TERF1: variants seen among roughly 807,000 people sequenced by gnomAD.
TERF1 encodes telomeric repeat binding factor 1, also known as telomeric repeat-binding factor 1.
In TERF1, 20 loss-of-function variants were observed where a neutral mutation model predicts 55.1. The ratio of observed to expected loss-of-function variants is 0.36; its 90% confidence interval spans 0.26 to 0.53. TERF1 has a LOEUF of 0.53. Ranked by LOEUF, TERF1 falls within the 20% of genes least tolerant of loss-of-function variation. The probability of loss-of-function intolerance (pLI) is 0.91; values close to 1 mark genes in which losing one functional copy is unlikely to be tolerated. For synonymous variants in TERF1, 168 were observed against 181.2 expected, an observed-to-expected ratio of 0.93 and a Z score of 0.59; for missense variants, 439 against 535.7, an observed-to-expected ratio of 0.82 and a Z score of 1.78.
intron 1 of TERF1, chr8:73,011,019 G>A (rs1043431052): frequency 6.6e-6 from 1 of 152,190 alleles, no homozygotes; most frequent in African/African-American, 2.4e-5. Context: ...CAGAGGCACT[G>A]TCATCTTGTT....
chr8:73,028,812 A>G (rs1292541250), intron 6 of TERF1, among the ~76,000 whole-genome samples: 4 of 152,188 alleles, frequency 2.6e-5, no homozygotes, highest in Admixed American at 6.5e-5. Flanking sequence ...TTCATAGCAT[A>G]CATCTCTATA....
At chr8:73,026,475 G>A (rs528892382) in intron 5 of TERF1, among the ~76,000 whole-genome samples, 1 of 152,302 alleles carries the variant, frequency 6.6e-6, no homozygotes, top group African/African-American at 2.4e-5. Flanking sequence ...ACTCCAGCCT[G>A]GGTGACAGAG....
intron 9 of TERF1, among the ~76,000 whole-genome samples, chr8:73,039,560 A>G (rs1196071441): frequency 6.6e-6 from 1 of 152,148 alleles, no homozygotes; most frequent in African/African-American, 2.4e-5. Flanking sequence ...CAGTGTAAAA[A>G]GAGTTTTCTT....
At chr8:73,028,433 T>G (rs1176929827) in intron 6 of TERF1, among the ~76,000 whole-genome samples, 1 of 152,180 alleles carries the variant, frequency 6.6e-6, no homozygotes, top group African/African-American at 2.4e-5. Flanking sequence ...AAATCCATCC[T>G]TGACATAACT....
intron 4 of TERF1, among the ~76,000 whole-genome samples, chr8:73,023,173 T>A (rs1392809286): frequency 1.3e-5 from 2 of 152,238 alleles, no homozygotes; most frequent in African/African-American, 4.8e-5. Context: ...AGAGTAGAAC[T>A]GATTAGTCAT....
At chr8:73,023,692 T>A (rs1808864447) in intron 4 of TERF1, among the ~76,000 whole-genome samples, 1 of 152,194 alleles carries the variant, frequency 6.6e-6, no homozygotes, top group African/African-American at 2.4e-5. Flanking sequence ...GATAAGTACT[T>A]GACCTCACTA....
chr8:73,017,287 C>G (rs909744166), intron 2 of TERF1, among the ~76,000 whole-genome samples: 5 of 152,102 alleles, frequency 3.3e-5, no homozygotes, highest in Admixed American at 6.6e-5. Context: ...ATTAGGCAGT[C>G]TACCTTTGCA....
In TERF1 at chr8:73,045,977, A is replaced by G; in HGVS notation, c.1160A>G (p.Glu387Gly). The change falls in exon 10 of 10, where the codon GAA (glutamate) becomes GGA (glycine). Residue 387 changes from glutamate to glycine, a missense_variant. Physicochemically the swap from Glu to Gly is moderately conservative, Grantham distance 98. Around this residue, in one of 4 missense-constraint regions of TERF1, gnomAD observed 140 missense variants for 158.6 expected, o/e 0.88. Transcript: ENST00000276603. The part of the protein sequence containing the change: ...ARKRQAWLWE[E>G]DKNLRSGVRK... ...TATCAAAAGGCATGGCTTTGGGAAGAAGACAAGAATTTGAGATCTGGCGTG... is the reference window on the plus strand; with the variant it reads ...TATCAAAAGGCATGGCTTTGGGAAGGAGACAAGAATTTGAGATCTGGCGTG... 1 of 1,578,876 alleles carries G rather than the reference A, an allele frequency of 6.3e-7. No individual in the cohort carries two copies. Among genetic ancestry groups the G allele is most frequent in the Non-Finnish European group, 8.6e-7 (1 of 1,166,248 alleles).
At chr8:73,013,074 G>T in intron 1 of TERF1, 2 of 335,392 alleles carry the variant, frequency 6.0e-6, no homozygotes, top group Non-Finnish European at 6.2e-6. Flanking sequence ...GAGGAAATTG[G>T]GTAAAAATAT....
chr8:73,036,075 A>T (rs1225435299), intron 8 of TERF1, among the ~76,000 whole-genome samples: 1 of 152,232 alleles, frequency 6.6e-6, no homozygotes, highest in Non-Finnish European at 1.5e-5. Context: ...AGTCCGGTGG[A>T]CTATGCAACA....
intron 1 of TERF1, 36 bp from the exon 2 acceptor site, chr8:73,013,859 T>G (rs758880809): frequency 2.1e-6 from 3 of 1,420,270 alleles, no homozygotes; most frequent in African/African-American, 2.8e-5. Flanking sequence ...TGGATCAAGT[T>G]TGATTTTAAT....
chr8:73,016,044 C>T (rs10101106), intron 2 of TERF1, among the ~76,000 whole-genome samples: 59,315 of 151,958 alleles, frequency 0.39, 12,246 homozygotes, highest in Non-Finnish European at 0.46. Context: ...CTTGAGCCCA[C>T]GAGTTTAAGG....
At chr8:73,030,189 T>C (rs1034695172) in intron 6 of TERF1, 147 bp from the exon 7 acceptor site, 1 of 468,278 alleles carries the variant, frequency 2.1e-6, no homozygotes, top group African/African-American at 2.0e-5. Flanking sequence ...CATGTTGTAA[T>C]GGACTGTATA....
intron 4 of TERF1, among the ~76,000 whole-genome samples, chr8:73,024,604 A>T (rs950121072): frequency 2.0e-5 from 3 of 152,172 alleles, no homozygotes; most frequent in African/African-American, 4.8e-5. Context: ...TATCTTTTTG[A>T]ATCTGTCTAA....
intron 8 of TERF1, among the ~76,000 whole-genome samples, chr8:73,032,379 A>G (rs895817589): frequency 6.6e-6 from 1 of 152,152 alleles, no homozygotes; most frequent in Non-Finnish European, 1.5e-5. Flanking sequence ...CAGCAACTTC[A>G]AGTATAGTCA....
chr8:73,009,710 A>G (rs1035757160), intron 1 of TERF1: 1 of 153,400 alleles, frequency 6.5e-6, no homozygotes, highest in African/African-American at 2.4e-5. Flanking sequence ...AGTCCCAGCT[A>G]CTTGGGAGCC....
At position 73,029,795 on chromosome 8, in the gene TERF1, A is replaced by G. The variant is rs562817667; in HGVS notation, c.888-541A>G. On this transcript the variant is annotated intron_variant, in intron 6 of 9. Coordinates refer to ENST00000276603, the MANE Select transcript of TERF1 (RefSeq NM_017489.3). ...TAAGATTTTTACAGATGGATAGAAG[A>G]GGAAATATCATTTTAGGAGAGAGGA... Among the ~76,000 whole-genome samples, 5 of 152,228 alleles carry G rather than the reference A, an allele frequency of 3.3e-5. No homozygotes were observed. The East Asian group carries it at 9.7e-4, about 29-fold the overall frequency.
At position 73,022,689 on chromosome 8, in the gene TERF1, A is replaced by G. The variant is rs56349533; in HGVS notation, c.624+387A>G. Among the ~76,000 whole-genome samples, 434 of 152,314 alleles carry G rather than the reference A, an allele frequency of 2.8e-3. 1 individual carries two copies. Among genetic ancestry groups the G allele is most frequent in the Admixed American group, 4.6e-3 (70 of 15,296 alleles). On this transcript the variant is annotated intron_variant, in intron 4 of 9. Transcript: ENST00000276603. ...AGGCCCGGTGCAATAGCTCATGCCT[A>G]TAATACCAGTACTTTAGGAGGCTGA... is the stretch of plus-strand genomic sequence containing the variant.
intron 8 of TERF1, among the ~76,000 whole-genome samples, chr8:73,036,210 C>G (rs1163650974): frequency 6.6e-6 from 1 of 152,206 alleles, no homozygotes; most frequent in Admixed American, 6.5e-5. Context: ...AGCCAGTACC[C>G]TCTCCCAGGA....
Sources: allele counts gnomAD v4.1 joint callset (sites outside exome capture counted in the v4.1 genomes callset), GRCh38; gene constraint gnomAD v4.1.1; regional missense constraint gnomAD v4.1.1; transcripts MANE v1.5; gene names NCBI Gene and HGNC (gene_info 2026-07-23, HGNC 2026-07-21).